The following FAM98B variants were observed in gnomAD, a reference collection of about 807,000 sequenced individuals.
The protein encoded by FAM98B is tRNA splicing ligase complex subunit 3B, also known as tRNA-splicing ligase complex subunit FAM98B.
In FAM98B, 32 loss-of-function variants were observed where a neutral mutation model predicts 43.9. The observed-to-expected ratio is 0.73, with a 90% CI of 0.55 to 0.98. The LOEUF (loss-of-function observed/expected upper bound fraction) is 0.98. FAM98B is among the 50% of genes least tolerant of loss of function. The pLI, the probability that FAM98B is intolerant of heterozygous loss-of-function variation, is 0.00. For missense variants in FAM98B, 514 were observed against 522.9 expected, an observed-to-expected ratio of 0.98 and a Z score of 0.17; for synonymous variants, 190 against 174.0, an observed-to-expected ratio of 1.09 and a Z score of -0.72.
chr15:38,479,904 A>G (rs1436508378), intron 6 of FAM98B, among the ~76,000 whole-genome samples: 3 of 152,334 alleles, frequency 2.0e-5, no homozygotes, highest in Admixed American at 6.5e-5. Context: ...ACTTGATGTT[A>G]AAAAGACTAA....
intron 1 of FAM98B, among the ~76,000 whole-genome samples, chr15:38,462,849 C>T (rs1050222492): frequency 1.3e-5 from 2 of 152,104 alleles, no homozygotes; most frequent in African/African-American, 2.4e-5. Context: ...AATCGGGGCT[C>T]CTTGGAGAAA....
At chr15:38,459,017 C>T (rs145193924) in intron 1 of FAM98B, 31 of 339,584 alleles carry the variant, frequency 9.1e-5, no homozygotes, top group East Asian at 1.6e-4. Context: ...GCCCGGAACA[C>T]CCCACACCGG....
intron 1 of FAM98B, among the ~76,000 whole-genome samples, chr15:38,454,713 C>T (rs1889821008): frequency 6.6e-6 from 1 of 152,164 alleles, no homozygotes; most frequent in South Asian, 2.1e-4. Flanking sequence ...TAGTTCATTG[C>T]GAGTTCGTTC....
chr15:38,473,077 C>T (rs1382422582), intron 4 of FAM98B, among the ~76,000 whole-genome samples: 1 of 152,072 alleles, frequency 6.6e-6, no homozygotes, highest in East Asian at 1.9e-4. Context: ...AACAATGAAA[C>T]AAGAGTACTT....
rs866610818 is a variant in FAM98B, at chr15:38,459,473, C to A, written c.72-4559C>A. Reference sequence around the variant, plus strand: ...GGCTTCTTAAGGAGGGCTTGGAGACCAGGCCTTGCTTGGTGAGCACCAGGG... The same window carrying A: ...GGCTTCTTAAGGAGGGCTTGGAGACAAGGCCTTGCTTGGTGAGCACCAGGG... On this transcript the variant is annotated intron_variant, in intron 1 of 7. Transcript: ENST00000397609. 1.2e-5 allele frequency: 4 copies of A among 347,732 alleles called. No homozygotes were observed. In the Middle Eastern group the frequency reaches 2.0e-3, roughly 173 times the overall value. The allele number at this position is 347,732 out of a possible 1,614,324, so 21.5% of individuals were successfully genotyped here. A position where few individuals can be genotyped will look rare whatever the true frequency, so the allele number is the denominator to read the frequency against.
At chr15:38,462,658 A>C (rs1417686375) in intron 1 of FAM98B, among the ~76,000 whole-genome samples, 1 of 152,216 alleles carries the variant, frequency 6.6e-6, no homozygotes, top group African/African-American at 2.4e-5. Context: ...TGTTATTAAA[A>C]CAAGAATTGT....
At position 38,484,436 on chromosome 15, in the gene FAM98B, G is replaced by C. The variant is rs1227836060; in HGVS notation, c.1079G>C (p.Gly360Ala). 25 of 892,928 alleles carry C rather than the reference G, an allele frequency of 2.8e-5. No individual in the cohort carries two copies. The highest frequency in any genetic ancestry group is 3.4e-5 in the Non-Finnish European group (25 of 746,064). The allele number at this position is 892,928 out of a possible 1,614,324, so 55.3% of individuals were successfully genotyped here. A position where few individuals can be genotyped will look rare whatever the true frequency, so the allele number is the denominator to read the frequency against. ...GGTGGGGGTGGGAGAGGTGGCTGGG[G>C]GGGTGGAGGAGGAGGTTGGGGAGGT... is the stretch of plus-strand genomic sequence containing the variant. ...GGGGGGRGGW[G>A]GGGGGWGGGG... The change falls in exon 8 of 8, where the codon GGG becomes GCG. Residue 360 changes from glycine (G) to alanine (A), a missense_variant. This residue lies in a region of FAM98B where 469 missense variants were observed against 451.8 expected (regional missense o/e 1.04). Transcript: ENST00000397609.
At chr15:38,460,664 C>A (rs74996408) in intron 1 of FAM98B, among the ~76,000 whole-genome samples, 1 of 152,166 alleles carries the variant, frequency 6.6e-6, no homozygotes, top group African/African-American at 2.4e-5. Context: ...TATACTTAGA[C>A]ACTTCTATTG....
At chr15:38,462,954 CCTACCTGAAT>C (rs1019188696) in intron 1 of FAM98B, among the ~76,000 whole-genome samples, 5 of 152,098 alleles carry the variant, frequency 3.3e-5, no homozygotes, top group African/African-American at 1.2e-4. Flanking sequence ...GCTCGACTGG[CCTACCTGAAT>C]GGGCTACTAT....
At chr15:38,459,033 A>G (rs796578674) in intron 1 of FAM98B, 47 of 343,514 alleles carry the variant, frequency 1.4e-4, no homozygotes, top group African/African-American at 9.6e-4. Context: ...ACCGGCCAGC[A>G]GATCCGTCAC....
chr15:38,482,032 G>A (rs1053058960), intron 7 of FAM98B: 1 of 163,508 alleles, frequency 6.1e-6, no homozygotes, highest in Non-Finnish European at 1.4e-5. Flanking sequence ...AAGTAATTTA[G>A]TATGTTTATG....
At position 38,464,152 on chromosome 15, in the gene FAM98B, C is replaced by T; in HGVS notation, c.192C>T (p.Asn64=). 1 of 1,612,824 alleles carries T rather than the reference C, an allele frequency of 6.2e-7. No homozygotes were observed. The stretch of plus-strand genomic sequence containing the variant: ...GCTCTCAAATAAAATCATTATGCAA[C>T]TTGGAAGAAAGTATCACGTCTGCTG... ...WLGSQIKSLC[N]LEESITSAGR... is the part of the protein sequence containing the mutation. The change falls in exon 2 of 8, where the codon AAC becomes AAT. Residue 64 remains asparagine (N), a synonymous_variant. Coordinates refer to ENST00000397609, the MANE Select transcript of FAM98B (RefSeq NM_173611.4).
At chr15:38,466,413 C>T (rs536285616) in intron 3 of FAM98B, among the ~76,000 whole-genome samples, 1 of 152,132 alleles carries the variant, frequency 6.6e-6, no homozygotes, top group Admixed American at 6.5e-5. Flanking sequence ...CAGAAAGGAA[C>T]CTAGGAAACA....
Position 38,485,158 on chromosome 15 carries a change from G to A in FAM98B, c.*499G>A, listed in dbSNP as rs977018643. The A allele has an allele frequency of 1.3e-5, 2 of 152,292 alleles. No homozygotes were observed. Among genetic ancestry groups the A allele is most frequent in the Non-Finnish European group, 2.9e-5 (2 of 68,104 alleles). 9.4% of individuals were successfully genotyped at this position (152,292 alleles called of 1,614,324 possible). ...GGAAAGGCACTTCCAGTTGTATTTA[G>A]TAGGCAGTTGTTGTGAATCATTTTT... On this transcript the variant is annotated 3_prime_UTR_variant, in exon 8 of 8. Transcript: ENST00000397609.
chr15:38,481,448 G>A lies in FAM98B; in HGVS notation c.886G>A (p.Ala296Thr). 6.2e-7 allele frequency: 1 copy of A among 1,614,206 alleles called. No homozygotes were observed. The highest frequency in any genetic ancestry group is 1.1e-5 in the South Asian group (1 of 91,076). Reference sequence around the variant, plus strand: ...CACCAGCCGGGAGAAGACCGCATGTGCCATTAATAAGGTTGGTGTTTCTTT... The same window carrying A: ...CACCAGCCGGGAGAAGACCGCATGTACCATTAATAAGGTTGGTGTTTCTTT... Reference protein sequence around the residue: ...SGTSREKTACAINKVLMGRVP... With the variant: ...SGTSREKTACTINKVLMGRVP... The change falls in exon 7 of 8, where the codon GCC (alanine) becomes ACC (threonine). Residue 296 changes from alanine to threonine, a missense_variant. Transcript: ENST00000397609.
At chr15:38,470,461 C>A in intron 4 of FAM98B, 56 bp downstream of exon 4, 1 of 1,423,162 alleles carries the variant, frequency 7.0e-7, no homozygotes, top group Non-Finnish European at 9.5e-7. Flanking sequence ...CATGTAAGTG[C>A]TATATTAAAA....
chr15:38,461,980 A>G (rs1382949625), intron 1 of FAM98B, among the ~76,000 whole-genome samples: 2 of 152,196 alleles, frequency 1.3e-5, no homozygotes, highest in Non-Finnish European at 2.9e-5. Flanking sequence ...AATTTGCCAA[A>G]CTATATTAAC....
chr15:38,484,067 G>A (rs970453622), intron 7 of FAM98B, among the ~76,000 whole-genome samples, 188 bp from the exon 8 acceptor site: 15 of 151,854 alleles, frequency 9.9e-5, no homozygotes, highest in African/African-American at 3.6e-4. Flanking sequence ...CCGTGATTTT[G>A]TATCCTTTAA....
rs766082335 is a variant in FAM98B, at chr15:38,484,642, G to A, written c.1285G>A (p.Gly429Arg). The A allele has an allele frequency of 6.6e-7, 1 of 1,516,022 alleles. No individual in the cohort carries two copies. The highest frequency in any genetic ancestry group is 1.3e-5 in the South Asian group (1 of 78,238). The allele number at this position is 1,516,022 out of a possible 1,614,324, so 93.9% of individuals were successfully genotyped here. Reference protein sequence around the residue: ...GGGGGGGGGGGYRRY With the variant: ...GGGGGGGGGGRYRRY ...TGGTGGTGGTGGTGGTGGAGGAGGTGGATATAGAAGATACTAAAAACTATA... is the reference window on the plus strand; with the variant it reads ...TGGTGGTGGTGGTGGTGGAGGAGGTAGATATAGAAGATACTAAAAACTATA... Residue 429 changes from glycine to arginine, a missense_variant, in exon 8 of 8, where the codon GGA becomes AGA. Around this residue, in one of 2 missense-constraint regions of FAM98B, gnomAD observed 45 missense variants for 71.1 expected, o/e 0.63. Coordinates refer to ENST00000397609, the MANE Select transcript of FAM98B (RefSeq NM_173611.4).
Sources: gnomAD v4.1 joint callset for allele counts (sites outside exome capture counted in the v4.1 genomes callset) on GRCh38, gnomAD v4.1.1 for gene constraint, gnomAD v4.1.1 regional missense constraint, MANE v1.5 for transcripts, NCBI Gene and HGNC (gene_info 2026-07-23, HGNC 2026-07-21) for gene names.